ZFAND3: variants seen among roughly 807,000 people sequenced by gnomAD.
ZFAND3 encodes the protein AN1-type zinc finger protein 3.
In ZFAND3, 10 loss-of-function variants were observed where a neutral mutation model predicts 29.6. The observed-to-expected ratio is 0.34, with a 90% CI of 0.21 to 0.57. The LOEUF (loss-of-function observed/expected upper bound fraction) is 0.57. Among genes scored for constraint, ZFAND3 ranks in the 20% least tolerant of loss-of-function variants. The pLI is 0.86. For synonymous variants in ZFAND3, 128 were observed against 112.6 expected, an observed-to-expected ratio of 1.14 and a Z score of -0.87; for missense variants, 230 against 304.5, an observed-to-expected ratio of 0.76 and a Z score of 1.82.
At chr6:38,077,632 GTT>G (rs991591311) in intron 3 of ZFAND3, among the ~76,000 whole-genome samples, 1 of 152,170 alleles carries the variant, frequency 6.6e-6, no homozygotes, top group African/African-American at 2.4e-5. Context: ...TGTGTTGAAG[GTT>G]TTTAGCACAT....
At chr6:38,136,720 CACGTG>C (rs1382827121) in intron 5 of ZFAND3, among the ~76,000 whole-genome samples, 1 of 152,196 alleles carries the variant, frequency 6.6e-6, no homozygotes, top group Non-Finnish European at 1.5e-5. Flanking sequence ...GTCATCAGGA[CACGTG>C]CTGTGCACAG....
intron 4 of ZFAND3, among the ~76,000 whole-genome samples, chr6:38,110,235 C>G (rs1007291654): frequency 6.6e-6 from 1 of 151,918 alleles, no homozygotes; most frequent in African/African-American, 2.4e-5. Context: ...ATGTGTTACT[C>G]CAAAATTATT....
At chr6:38,113,860 T>C (rs1430162086) in intron 4 of ZFAND3, among the ~76,000 whole-genome samples, 1 of 152,240 alleles carries the variant, frequency 6.6e-6, no homozygotes. Context: ...AGGTTTGTTT[T>C]AGAAATGGGT....
At chr6:37,977,374 T>C (rs1405796507) in intron 2 of ZFAND3, among the ~76,000 whole-genome samples, 1 of 152,210 alleles carries the variant, frequency 6.6e-6, no homozygotes, top group Non-Finnish European at 1.5e-5. Flanking sequence ...CGATCTCAGC[T>C]GACTGCAACC....
chr6:37,830,387 T>C (rs531018552), intron 1 of ZFAND3, among the ~76,000 whole-genome samples: 13 of 152,312 alleles, frequency 8.5e-5, no homozygotes, highest in African/African-American at 2.9e-4. Context: ...CTAGAGTAAT[T>C]AATGTGAAAA....
chr6:37,894,582 G>GACTCAATCTCTCTAT (rs1765164172), intron 1 of ZFAND3, among the ~76,000 whole-genome samples: 1 of 151,954 alleles, frequency 6.6e-6, no homozygotes, highest in Non-Finnish European at 1.5e-5. Context: ...ATGTTGTCCA[G>GACTCAATCTCTCTAT]GCTGGTCTCA....
chr6:37,943,610 T>C (rs1761850009), intron 2 of ZFAND3, among the ~76,000 whole-genome samples: 1 of 152,180 alleles, frequency 6.6e-6, no homozygotes, highest in South Asian at 2.1e-4. Context: ...GAAAGCTGGG[T>C]TATTCATTTC....
intron 1 of ZFAND3, among the ~76,000 whole-genome samples, chr6:37,862,121 T>G (rs1016352079): frequency 2.0e-5 from 3 of 152,164 alleles, no homozygotes; most frequent in African/African-American, 2.4e-5. Context: ...CTTTTTTATA[T>G]GTTTACTTTT....
intron 1 of ZFAND3, among the ~76,000 whole-genome samples, chr6:37,901,078 AAGAT>A (rs1182123824): frequency 5.3e-5 from 8 of 152,154 alleles, no homozygotes; most frequent in African/African-American, 1.9e-4. Context: ...ATTTTATTGA[AAGAT>A]AGGCTACTGT....
chr6:38,114,051 T>C (rs1024363396), intron 4 of ZFAND3, among the ~76,000 whole-genome samples: 5 of 152,232 alleles, frequency 3.3e-5, no homozygotes, highest in African/African-American at 1.2e-4. Flanking sequence ...ATTTTAATCA[T>C]AGTAATAATG....
At chr6:38,092,034 C>G (rs1188933843) in intron 4 of ZFAND3, among the ~76,000 whole-genome samples, 1 of 152,128 alleles carries the variant, frequency 6.6e-6, no homozygotes, top group Non-Finnish European at 1.5e-5. Context: ...AGAGATGGTC[C>G]CATTGCCTCT....
At chr6:37,863,856 G>A (rs1581718078) in intron 1 of ZFAND3, among the ~76,000 whole-genome samples, 1 of 152,286 alleles carries the variant, frequency 6.6e-6, no homozygotes, top group South Asian at 2.1e-4. Context: ...GCTCCATGAG[G>A]GCAGGGATTG....
intron 2 of ZFAND3, among the ~76,000 whole-genome samples, chr6:38,045,054 T>TTTTTTTTATTTATTTATTTA (rs374971956): frequency 7.4e-6 from 1 of 134,738 alleles, no homozygotes; most frequent in African/African-American, 2.7e-5. Flanking sequence ...GTGGAAATTC[T>TTTTTTTTATTTATTTATTTA]TTTATTTATT....
At chr6:37,837,679 G>T (rs1259912096) in intron 1 of ZFAND3, among the ~76,000 whole-genome samples, 1 of 151,770 alleles carries the variant, frequency 6.6e-6, no homozygotes, top group African/African-American at 2.4e-5. Flanking sequence ...TAACTTTTTT[G>T]TATTTTTAAT....
chr6:37,998,447 A>G (rs904591827), intron 2 of ZFAND3, among the ~76,000 whole-genome samples: 1 of 152,144 alleles, frequency 6.6e-6, no homozygotes, highest in Non-Finnish European at 1.5e-5. Flanking sequence ...GTGAAAATTA[A>G]AAAGAAAATG....
intron 1 of ZFAND3, among the ~76,000 whole-genome samples, chr6:37,923,766 T>C (rs1761429111): frequency 6.6e-6 from 1 of 152,184 alleles, no homozygotes; most frequent in Admixed American, 6.5e-5. Context: ...GGGACTTCTG[T>C]TGTGTATGTG....
At chr6:37,865,989 T>C (rs191190680) in intron 1 of ZFAND3, among the ~76,000 whole-genome samples, 50 of 152,318 alleles carry the variant, frequency 3.3e-4, no homozygotes, top group Non-Finnish European at 6.0e-4. Flanking sequence ...AACTCCTATC[T>C]TTTTGCCCCT....
chr6:38,111,636 T>C (rs938503573), intron 4 of ZFAND3, among the ~76,000 whole-genome samples: 3 of 152,218 alleles, frequency 2.0e-5, no homozygotes, highest in Non-Finnish European at 2.9e-5. Flanking sequence ...CTCTTCCATA[T>C]GGTTTTCTTA....
intron 2 of ZFAND3, among the ~76,000 whole-genome samples, chr6:37,952,215 A>G (rs1010383352): frequency 1.3e-5 from 2 of 152,170 alleles, no homozygotes; most frequent in African/African-American, 4.8e-5. Flanking sequence ...TGCTGACCTC[A>G]TAGAATCTGT....
Sources: allele counts gnomAD v4.1 joint callset (sites outside exome capture counted in the v4.1 genomes callset), GRCh38; gene constraint gnomAD v4.1.1; transcripts MANE v1.5; gene names NCBI Gene and HGNC (gene_info 2026-07-23, HGNC 2026-07-21).